ABR: variants seen among roughly 807,000 people sequenced by gnomAD.
ABR encodes active breakpoint cluster region-related protein.
Under a neutral mutation model 107.2 loss-of-function variants are expected in ABR, and 35 were observed. The ratio of observed to expected loss-of-function variants is 0.33; its 90% confidence interval spans 0.25 to 0.43. ABR has a LOEUF of 0.43. ABR is among the 20% of genes least tolerant of loss of function. The pLI is 1.00. For missense variants in ABR, 815 were observed against 1,115.2 expected (o/e 0.73, Z 3.83); for synonymous variants, 498 against 462.0 (o/e 1.08, Z -1.00).
upstream of ABR, chr17:1,182,206 C>T (rs1323557473): frequency 1.3e-5 from 2 of 152,144 alleles, no homozygotes; most frequent in East Asian, 1.9e-4. Flanking sequence ...CTTAGCGTTT[C>T]GTTCACTAGC....
upstream of ABR, among the ~76,000 whole-genome samples, chr17:1,183,238 C>A (rs1402883251): frequency 2.0e-5 from 3 of 152,084 alleles, no homozygotes; most frequent in African/African-American, 7.2e-5. Flanking sequence ...CCATCTATCA[C>A]GCTGCCTCCT....
At chr17:1,056,411 G>T (rs999707319) in intron 13 of ABR, among the ~76,000 whole-genome samples, 1 of 152,066 alleles carries the variant, frequency 6.6e-6, no homozygotes, top group Non-Finnish European at 1.5e-5. Context: ...TCCAAATCCT[G>T]CCTATCCTGG....
chr17:1,012,096 G>T, intron 18 of ABR, 111 bp from the exon 19 acceptor site: 1 of 1,550,256 alleles, frequency 6.5e-7, no homozygotes, highest in Non-Finnish European at 8.8e-7. Flanking sequence ...TTGGGATGGA[G>T]AGCTGGGGCG....
chr17:1,063,512 A>T (rs1252317537), intron 10 of ABR, among the ~76,000 whole-genome samples: 1 of 145,776 alleles, frequency 6.9e-6, no homozygotes, highest in African/African-American at 2.5e-5. Flanking sequence ...GTTCCTCTAG[A>T]CACTGTTGTT....
At chr17:1,108,624 G>A (rs2038420523) in intron 2 of ABR, among the ~76,000 whole-genome samples, 1 of 152,274 alleles carries the variant, frequency 6.6e-6, no homozygotes, top group Admixed American at 6.5e-5. Flanking sequence ...TGGAAACGGG[G>A]GATTCCTGCC....
intron 1 of ABR, among the ~76,000 whole-genome samples, chr17:1,133,917 A>G (rs2251575): frequency 0.94 from 142,704 of 152,268 alleles, 67,348 homozygotes; most frequent in East Asian, 1. Context: ...ACAAAGAGAC[A>G]TTTTGCCTTG....
At chr17:1,024,991 G>C (rs1252846186) in intron 16 of ABR, among the ~76,000 whole-genome samples, 1 of 149,052 alleles carries the variant, frequency 6.7e-6, no homozygotes, top group African/African-American at 2.5e-5. Context: ...CGAGGTGGCG[G>C]GCGCCTGTAG....
rs2151265344 is a variant in ABR, at chr17:1,084,842, CT to C, written c.532-1216del. Among the ~76,000 whole-genome samples the C allele has an allele frequency of 6.6e-6, 1 of 152,300 alleles. No homozygotes were observed. Among genetic ancestry groups the C allele is most frequent in the South Asian group, 2.1e-4 (1 of 4,834 alleles). ...TTTTGTTTTGAGATGGAGTTTCGCT[CT>C]TGTTGCCCAGGCTGCAGTACAGTGG... is the stretch of plus-strand genomic sequence containing the variant. On this transcript the variant is annotated intron_variant, in intron 4 of 22. Transcript: ENST00000302538. The surrounding 1 kb of genome is among the most constrained non-coding windows in gnomAD (Gnocchi z 4.2).
chr17:1,197,838 G>C (rs1271352333), intron 1 of ABR, among the ~76,000 whole-genome samples: 1 of 151,668 alleles, frequency 6.6e-6, no homozygotes, highest in African/African-American at 2.4e-5. Context: ...TTTCCCCAGA[G>C]AGCAGTATCT....
chr17:1,180,327 G>C (rs903550887), upstream of ABR, among the ~76,000 whole-genome samples: 1 of 152,128 alleles, frequency 6.6e-6, no homozygotes, highest in African/African-American at 2.4e-5. Flanking sequence ...ATCTCCAAGC[G>C]CGGCTTCGCG....
Position 1,012,347 on chromosome 17 carries a change from G to C in ABR, c.1961+341C>G, listed in dbSNP as rs576474678. On this transcript the variant is annotated intron_variant, in intron 18 of 22. Coordinates refer to ENST00000302538, the MANE Select transcript of ABR (RefSeq NM_021962.5). ...CAAGGGGCCAGGGTGGTGGTGAACCGGGGGACACGTGCCCTTTCCCGAGGG... is the reference window on the plus strand; with the variant it reads ...CAAGGGGCCAGGGTGGTGGTGAACCCGGGGACACGTGCCCTTTCCCGAGGG... The C allele has an allele frequency of 5.6e-5, 36 of 642,144 alleles. 1 individual carries two copies. The highest frequency in any genetic ancestry group is 5.3e-4 in the South Asian group (35 of 66,222). The allele number at this position is 642,144 out of a possible 1,614,324, so 39.8% of individuals were successfully genotyped here.
intron 1 of ABR, among the ~76,000 whole-genome samples, chr17:1,163,473 T>C (rs1278547956): frequency 6.6e-6 from 1 of 151,880 alleles, no homozygotes; most frequent in Non-Finnish European, 1.5e-5. Flanking sequence ...CACACAGCAC[T>C]GAATCCAGAC....
chr17:1,193,377 T>G (rs1250264122), intron 1 of ABR, among the ~76,000 whole-genome samples: 2 of 151,994 alleles, frequency 1.3e-5, no homozygotes, highest in East Asian at 3.9e-4. Context: ...ATTTACGTTC[T>G]AGGCACCCTG....
Position 1,083,638 on chromosome 17 carries a change from G to A in ABR, c.532-11C>T. The A allele has an allele frequency of 2.5e-6, 4 of 1,600,126 alleles. No homozygotes were observed. The highest frequency in any genetic ancestry group is 3.4e-6 in the Non-Finnish European group (4 of 1,168,130). On this transcript the variant is annotated splice_polypyrimidine_tract_variant and intron_variant, in intron 4 of 22. Coordinates refer to ENST00000302538, the MANE Select transcript of ABR (RefSeq NM_021962.5). ...ACCGAGCTGGCTGGCCTGCAGGGAGGAGTCAGGGAACAGAGGGAGAGGAGG... is the reference window on the plus strand; with the variant it reads ...ACCGAGCTGGCTGGCCTGCAGGGAGAAGTCAGGGAACAGAGGGAGAGGAGG...
intron 2 of ABR, among the ~76,000 whole-genome samples, chr17:1,122,862 G>C (rs924698078): frequency 2.0e-5 from 3 of 152,184 alleles, no homozygotes; most frequent in Non-Finnish European, 4.4e-5. Flanking sequence ...GCATATTTGG[G>C]CGTGGAAGGC....
At chr17:1,008,618 G>C (rs985374530) in intron 21 of ABR, among the ~76,000 whole-genome samples, 6 of 152,224 alleles carry the variant, frequency 3.9e-5, no homozygotes, top group Non-Finnish European at 5.9e-5. Context: ...AATGTTTCAT[G>C]ATGGGAAAAA....
At chr17:1,105,936 C>T (rs2038217295) in intron 2 of ABR, among the ~76,000 whole-genome samples, 1 of 152,070 alleles carries the variant, frequency 6.6e-6, no homozygotes, top group African/African-American at 2.4e-5. Flanking sequence ...GTTTTTATTC[C>T]TGACAAATAA....
chr17:1,178,232 CACCCCCCCCATATGACTTATCA>C (rs1437450341), intron 1 of ABR, among the ~76,000 whole-genome samples: 2 of 151,880 alleles, frequency 1.3e-5, no homozygotes, highest in East Asian at 1.9e-4. Context: ...CTACTCCCCC[CACCCCCCCCATATGACTTATCA>C]AGGAACTCTA....
At chr17:1,204,139 C>T (rs2042742776) in intron 1 of ABR, among the ~76,000 whole-genome samples, 2 of 152,150 alleles carry the variant, frequency 1.3e-5, no homozygotes, top group African/African-American at 4.8e-5. Flanking sequence ...TAGTCCCCAG[C>T]GGGGCATTTA....
Sources: allele counts gnomAD v4.1 joint callset (sites outside exome capture counted in the v4.1 genomes callset), GRCh38; gene constraint gnomAD v4.1.1; non-coding constraint Gnocchi (gnomAD v3.1); transcripts MANE v1.5; gene names NCBI Gene and HGNC (gene_info 2026-07-23, HGNC 2026-07-21).